The following UHRF2 variants were observed in gnomAD, a reference collection of about 807,000 sequenced individuals.
The protein encoded by UHRF2 is E3 ubiquitin-protein ligase UHRF2.
Under a neutral mutation model 96.8 loss-of-function variants are expected in UHRF2, and 23 were observed. That is an observed-to-expected ratio of 0.24 (90% CI 0.17 to 0.34). UHRF2 has a LOEUF of 0.34. Among genes scored for constraint, UHRF2 ranks in the 10% least tolerant of loss-of-function variants. UHRF2 has a pLI of 1.00. For synonymous variants in UHRF2, 385 were observed against 332.6 expected, an observed-to-expected ratio of 1.16 and a Z score of -1.72; for missense variants, 685 against 981.5, an observed-to-expected ratio of 0.70 and a Z score of 4.04.
chr9:6,503,408 T>TAA (rs61454062), intron 14 of UHRF2, among the ~76,000 whole-genome samples: 3 of 146,892 alleles, frequency 2.0e-5, no homozygotes, highest in African/African-American at 5.0e-5. Context: ...CCTTCTAGCT[T>TAA]AAAAAAAAAA....
rs1816493326 is a variant in UHRF2 at position 6,504,723 on chromosome 9, T to C, written c.2262+32T>C. On this transcript the variant is annotated intron_variant, in intron 15 of 15. Transcript: ENST00000276893. ...AGAATTCCTTCCTCACTTTCCCTGTTAGGTATGAAGGCACACTAATTTCTA... is the reference window on the plus strand; with the variant it reads ...AGAATTCCTTCCTCACTTTCCCTGTCAGGTATGAAGGCACACTAATTTCTA... 8 of 1,556,734 alleles carry C rather than the reference T, an allele frequency of 5.1e-6. No homozygotes were observed. In the African/African-American group the frequency reaches 9.5e-5, roughly 18 times the overall value.
chr9:6,502,884 T>C (rs890052678), intron 14 of UHRF2, among the ~76,000 whole-genome samples: 1 of 151,938 alleles, frequency 6.6e-6, no homozygotes, highest in African/African-American at 2.4e-5. Context: ...TATAATACTT[T>C]GTCTGTAATA....
chr9:6,413,843 C>A, intron 1 of UHRF2, 200 bp downstream of exon 1: 1 of 564,726 alleles, frequency 1.8e-6, no homozygotes, highest in Non-Finnish European at 2.7e-6. Flanking sequence ...CCAGCCCCAA[C>A]TGGAGGTGCG....
chr9:6,448,133 A>C (rs1396777411), intron 3 of UHRF2, among the ~76,000 whole-genome samples: 1 of 152,182 alleles, frequency 6.6e-6, no homozygotes, highest in Non-Finnish European at 1.5e-5. Context: ...TCCAGATTGG[A>C]ATTTGACAGA....
chr9:6,440,687 T>C (rs1008196779), intron 3 of UHRF2, among the ~76,000 whole-genome samples: 2 of 152,258 alleles, frequency 1.3e-5, no homozygotes, highest in Admixed American at 6.5e-5. Context: ...ACTCATCATT[T>C]GGCTGCGAAA....
At chr9:6,501,373 A>G (rs1816283973) in intron 14 of UHRF2, among the ~76,000 whole-genome samples, 1 of 151,954 alleles carries the variant, frequency 6.6e-6, no homozygotes, top group African/African-American at 2.4e-5. Flanking sequence ...TTAAATATTG[A>G]CCCCTTGTCA....
At chr9:6,460,547 A>G (rs1822477113) in intron 3 of UHRF2, 26 bp from the exon 4 acceptor site, 1 of 1,553,678 alleles carries the variant, frequency 6.4e-7, no homozygotes, top group Non-Finnish European at 8.7e-7. Context: ...GGTAATCATA[A>G]GCCATATGGT....
intron 10 of UHRF2, chr9:6,496,038 C>G (rs763567919): frequency 1.3e-5 from 2 of 151,240 alleles, no homozygotes; most frequent in African/African-American, 2.4e-5. Context: ...ACTCTTTGAC[C>G]ACAGCTATAT....
At position 6,504,585 on chromosome 9, in the gene UHRF2, T is replaced by C. The variant is rs769704070; in HGVS notation, c.2164-8T>C. 6.2e-7 allele frequency: 1 copy of C among 1,607,356 alleles called. No homozygotes were observed. The highest frequency in any genetic ancestry group is 1.1e-5 in the South Asian group (1 of 90,062). On this transcript the variant is annotated splice_polypyrimidine_tract_variant and splice_region_variant and intron_variant, in intron 14 of 15. Transcript: ENST00000276893. ...CTTTTCTTTCCTTATCCTTGGATAC[T>C]GTTCTAGAATTTTCTGAAAAAATTG...
chr9:6,437,013 T>C (rs1239611739), intron 3 of UHRF2, among the ~76,000 whole-genome samples: 1 of 152,154 alleles, frequency 6.6e-6, no homozygotes, highest in Non-Finnish European at 1.5e-5. Flanking sequence ...ATGTATAACA[T>C]AAATAAGCTC....
chr9:6,423,150 A>G (rs1300595882), intron 2 of UHRF2, among the ~76,000 whole-genome samples: 1 of 152,120 alleles, frequency 6.6e-6, no homozygotes, highest in African/African-American at 2.4e-5. Flanking sequence ...GATATATGGA[A>G]AAATGCCAAC....
intron 3 of UHRF2, among the ~76,000 whole-genome samples, chr9:6,452,377 G>C (rs1020307924): frequency 4.6e-5 from 7 of 152,196 alleles, no homozygotes; most frequent in African/African-American, 1.7e-4. Context: ...GCCCCTCTAA[G>C]AGGGGAAAAT....
intron 9 of UHRF2, among the ~76,000 whole-genome samples, chr9:6,487,141 T>C (rs1445161072): frequency 2.0e-5 from 3 of 151,440 alleles, no homozygotes; most frequent in African/African-American, 7.3e-5. Context: ...GTGATTATTA[T>C]AAGGAAAACA....
In UHRF2 at chr9:6,506,752, A is replaced by C. The variant is rs1222317504; in HGVS notation, c.*573A>C. 2 of 152,750 alleles carry C rather than the reference A, an allele frequency of 1.3e-5. No homozygotes were observed. Among genetic ancestry groups the C allele is most frequent in the African/African-American group, 4.8e-5 (2 of 41,452 alleles). 9.5% of individuals were successfully genotyped at this position (152,750 alleles called of 1,614,324 possible). A position where few individuals can be genotyped will look rare whatever the true frequency, so the allele number is the denominator to read the frequency against. ...GTGCTTTTTTCTGGTGTTTTATGCAAGTTGACTACTAATGACTAATGAGAA... is the reference window on the plus strand; with the variant it reads ...GTGCTTTTTTCTGGTGTTTTATGCACGTTGACTACTAATGACTAATGAGAA... On this transcript the variant is annotated 3_prime_UTR_variant, in exon 16 of 16. Transcript: ENST00000276893.
intron 1 of UHRF2, among the ~76,000 whole-genome samples, chr9:6,419,168 T>A (rs1027206000): frequency 6.6e-6 from 1 of 152,196 alleles, no homozygotes; most frequent in Non-Finnish European, 1.5e-5. Context: ...AACAAAAAAA[T>A]TTTGGCAGGG....
chr9:6,447,566 A>C (rs555522467), intron 3 of UHRF2, among the ~76,000 whole-genome samples: 1 of 152,336 alleles, frequency 6.6e-6, no homozygotes, highest in African/African-American at 2.4e-5. Flanking sequence ...TGTAGAAAGC[A>C]TATAGTGAGT....
At chr9:6,428,034 C>T (rs1043736100) in intron 2 of UHRF2, among the ~76,000 whole-genome samples, 2 of 152,178 alleles carry the variant, frequency 1.3e-5, no homozygotes. Flanking sequence ...GGCTGTCATC[C>T]TGGACTAAAT....
intron 13 of UHRF2, 98 bp downstream of exon 13, chr9:6,500,029 G>A: frequency 2.1e-6 from 2 of 962,292 alleles, no homozygotes; most frequent in Non-Finnish European, 3.1e-6. Flanking sequence ...CTGGAGTGCA[G>A]TGGAAAGATC....
intron 6 of UHRF2, among the ~76,000 whole-genome samples, chr9:6,479,892 T>G (rs1823821630): frequency 6.6e-6 from 1 of 152,248 alleles, no homozygotes; most frequent in African/African-American, 2.4e-5. Flanking sequence ...CTTGAACTTC[T>G]GTAACGGATG....
Sources: gnomAD v4.1 joint callset for allele counts (sites outside exome capture counted in the v4.1 genomes callset) on GRCh38, gnomAD v4.1.1 for gene constraint, MANE v1.5 for transcripts, NCBI Gene and HGNC (gene_info 2026-07-23, HGNC 2026-07-21) for gene names.